Variants in ANK2 observed in about 807,000 individuals in gnomAD.
ANK2 encodes the protein ankyrin 2, also known as ankyrin-2.
ANK2 carries 83 observed loss-of-function variants against 360.5 expected under a neutral mutation model. The observed-to-expected ratio is 0.23, with a 90% CI of 0.19 to 0.28. The LOEUF (loss-of-function observed/expected upper bound fraction) is 0.28. ANK2 is among the 10% of genes least tolerant of loss of function. The pLI, the probability that ANK2 is intolerant of heterozygous loss-of-function variation, is 1.00. For synonymous variants in ANK2, 1,740 were observed against 1,759.5 expected, an observed-to-expected ratio of 0.99 and a Z score of 0.28; for missense variants, 4,201 against 4,795.7, an observed-to-expected ratio of 0.88 and a Z score of 3.66.
rs878854261 is a variant in ANK2, at chr4:113,356,879, C to T, written c.8261C>T (p.Ala2754Val). Reference protein sequence around the residue: ...AEDRHAVSTEAEDRSYDKLNR... With the variant: ...AEDRHAVSTEVEDRSYDKLNR... The stretch of plus-strand genomic sequence containing the variant: ...GACCGTCATGCTGTTTCCACTGAGG[C>T]TGAAGACAGGTCTTATGATAAGCTA... The change falls in exon 38 of 46, where the codon GCT becomes GTT. Residue 2754 changes from alanine (A) to valine (V), a missense_variant. This residue lies in a region of ANK2 where 2,642 missense variants were observed against 2,714.5 expected (regional missense o/e 0.97). Transcript: ENST00000357077. The T allele has an allele frequency of 6.2e-7, 1 of 1,613,896 alleles. No homozygotes were observed. The highest frequency in any genetic ancestry group is 8.5e-7 in the Non-Finnish European group (1 of 1,179,992).
At chr4:113,024,968 T>C (rs1230236879) in intron 2 of ANK2, among the ~76,000 whole-genome samples, 1 of 152,150 alleles carries the variant, frequency 6.6e-6, no homozygotes, top group Non-Finnish European at 1.5e-5. Context: ...TTTCATGGTA[T>C]TTTTGGCACC....
chr4:112,999,477 C>T (rs1215512274), intron 2 of ANK2, among the ~76,000 whole-genome samples: 2 of 152,112 alleles, frequency 1.3e-5, no homozygotes, highest in Non-Finnish European at 2.9e-5. Flanking sequence ...TGCCATTCTG[C>T]CTCTCACCTG....
chr4:112,749,410 A>G, the ANK2 span, among the ~76,000 whole-genome samples: 2 of 152,234 alleles, frequency 1.3e-5, no homozygotes, highest in African/African-American at 4.8e-5. Flanking sequence ...CAGGCATAAA[A>G]ATAGATCCAT....
intron 1 of ANK2, among the ~76,000 whole-genome samples, chr4:112,841,964 G>A (rs1454956953): frequency 6.6e-6 from 1 of 151,994 alleles, no homozygotes; most frequent in African/African-American, 2.4e-5. Context: ...AGAAGAAGAC[G>A]TCTTTGAAGA....
chr4:113,106,461 A>G (rs975322674), intron 1 of ANK2, among the ~76,000 whole-genome samples: 3 of 152,192 alleles, frequency 2.0e-5, no homozygotes, highest in African/African-American at 4.8e-5. Flanking sequence ...GAAGGCCCAG[A>G]GAGGTGTGGA....
chr4:113,377,011 G>C (rs1028639252), intron 45 of ANK2, among the ~76,000 whole-genome samples: 1 of 151,518 alleles, frequency 6.6e-6, no homozygotes, highest in Non-Finnish European at 1.5e-5. Flanking sequence ...ACCTGCCTGA[G>C]GCTCCTTGAT....
At chr4:113,060,392 C>T (rs944225324) in intron 1 of ANK2, among the ~76,000 whole-genome samples, 3 of 151,930 alleles carry the variant, frequency 2.0e-5, no homozygotes, top group Non-Finnish European at 2.9e-5. Flanking sequence ...TTCACAATAA[C>T]GTGATGAGTA....
chr4:113,029,496 G>T (rs1046812441), intron 2 of ANK2, among the ~76,000 whole-genome samples: 2 of 152,030 alleles, frequency 1.3e-5, no homozygotes, highest in East Asian at 1.9e-4. Flanking sequence ...CTCCCAAAGT[G>T]CTGGGATTAC....
At chr4:112,725,118 A>G in the ANK2 span, among the ~76,000 whole-genome samples, 4 of 151,660 alleles carry the variant, frequency 2.6e-5, no homozygotes, top group East Asian at 4.0e-4. Flanking sequence ...TGTCTCTACT[A>G]AAATACAAAA....
At chr4:112,860,268 C>T (rs1259187589) in intron 1 of ANK2, among the ~76,000 whole-genome samples, 4 of 151,972 alleles carry the variant, frequency 2.6e-5, no homozygotes, top group Admixed American at 1.3e-4. Flanking sequence ...GCTCTGTCGC[C>T]CAGGCTGGAG....
chr4:112,894,599 T>G (rs2081190470), intron 1 of ANK2, among the ~76,000 whole-genome samples: 1 of 152,144 alleles, frequency 6.6e-6, no homozygotes, highest in African/African-American at 2.4e-5. Flanking sequence ...GTTCCACAAT[T>G]TCCTAAAAGC....
upstream of ANK2, among the ~76,000 whole-genome samples, chr4:113,049,336 C>G (rs2065895532): frequency 6.6e-6 from 1 of 152,126 alleles, no homozygotes. Context: ...TCTCATTATG[C>G]ATTGTATCTG....
chr4:113,345,230 T>C (rs977524705), intron 34 of ANK2, among the ~76,000 whole-genome samples: 1 of 152,164 alleles, frequency 6.6e-6, no homozygotes, highest in Non-Finnish European at 1.5e-5. Flanking sequence ...TACATGTTCC[T>C]AGAATAGGCA....
intron 2 of ANK2, among the ~76,000 whole-genome samples, chr4:112,939,767 G>T (rs1325201390): frequency 6.6e-6 from 1 of 152,120 alleles, no homozygotes; most frequent in Non-Finnish European, 1.5e-5. Context: ...AGCCACCAAG[G>T]TTATCTTTCC....
intron 3 of ANK2, among the ~76,000 whole-genome samples, 172 bp downstream of exon 3, chr4:113,196,638 C>T (rs1005644206): frequency 6.6e-6 from 1 of 152,150 alleles, no homozygotes; most frequent in African/African-American, 2.4e-5. Flanking sequence ...AGTGACCCTC[C>T]CAACTCAGCT....
intron 43 of ANK2, among the ~76,000 whole-genome samples, chr4:113,370,800 A>G (rs1049727426): frequency 4.6e-5 from 7 of 152,060 alleles, no homozygotes; most frequent in Non-Finnish European, 1.0e-4. Context: ...TATTCTCAAA[A>G]TGTGGTCTAT....
chr4:112,831,974 C>G (rs181787081), intron 1 of ANK2, among the ~76,000 whole-genome samples: 4 of 152,284 alleles, frequency 2.6e-5, no homozygotes, highest in African/African-American at 9.6e-5. Flanking sequence ...GGAAAAAACT[C>G]CAGACGCACC....
rs141124755 is a variant in ANK2, at chr4:113,373,315, T to C, written c.11725T>C (p.Ser3909Pro). 351 of 1,613,904 alleles carry C rather than the reference T, an allele frequency of 2.2e-4. 1 individual carries two copies. In the African/African-American group the frequency reaches 2.7e-3, roughly 12 times the overall value. Residue 3909 changes from serine to proline, a missense_variant, in exon 45 of 46, where the codon TCC becomes CCC. Transcript: ENST00000357077. ...VTRKIIRRYV[S>P]SEGTEKEEIM... is the part of the protein sequence containing the mutation. ...TAGGAAAATCATTAGGCGGTATGTA[T>C]CCTCTGAAGGCACAGAGAAAGAAGA...
In ANK2 at chr4:112,909,991, T is replaced by C. The variant is rs573861945; in HGVS notation, c.21+5477T>C. ...TTAATTAAGGTTACAACAGTAAAAT[T>C]TGTGTTAATTATTATTAACCATATT... On this transcript the variant is annotated intron_variant, in intron 2 of 30. Transcript: ENST00000503271. Among the ~76,000 whole-genome samples the C allele has an allele frequency of 2.0e-5, 3 of 152,338 alleles. No individual in the cohort carries two copies. In the East Asian group the frequency reaches 5.8e-4, roughly 29 times the overall value.
Sources: gnomAD v4.1 joint callset for allele counts (sites outside exome capture counted in the v4.1 genomes callset) on GRCh38, gnomAD v4.1.1 for gene constraint, gnomAD v4.1.1 regional missense constraint, MANE v1.5 for transcripts, NCBI Gene and HGNC (gene_info 2026-07-23, HGNC 2026-07-21) for gene names.